Variants in SLC10A6 observed in about 807,000 individuals in gnomAD.
The protein encoded by SLC10A6 is sodium-dependent organic anion transporter.
A neutral mutation model predicts 30.0 loss-of-function variants in SLC10A6; 27 were observed. The ratio of observed to expected loss-of-function variants is 0.90; its 90% CI spans 0.66 to 1.24. The LOEUF (loss-of-function observed/expected upper bound fraction) is 1.24, where lower values mean the gene tolerates loss of function less well. Among genes scored for constraint, SLC10A6 ranks in the 50% most tolerant of loss-of-function variants. The probability of loss-of-function intolerance (pLI) is 0.00; values close to 1 mark genes in which losing one functional copy is unlikely to be tolerated. For synonymous variants in SLC10A6, 166 were observed against 173.8 expected (o/e 0.95, Z 0.36); for missense variants, 439 against 457.0 (o/e 0.96, Z 0.36).
rs191416858 is a variant in SLC10A6 at position 86,848,434 on chromosome 4, G to T, written c.377+305C>A. 1.4e-4 allele frequency among the ~76,000 whole-genome samples: 21 copies of T among 152,312 alleles called. No homozygotes were observed. In the South Asian group the frequency reaches 1.4e-3, roughly 11 times the overall value. On this transcript the variant is annotated intron_variant, in intron 1 of 5. Coordinates refer to ENST00000273905, the MANE Select transcript of SLC10A6 (RefSeq NM_197965.3). Reference sequence around the variant, plus strand: ...GTCCTAGGAGTTGCTAAAGAGGCCAGTGTAGGTAAGAATGAGCTCAAGCTT... The same window carrying T: ...GTCCTAGGAGTTGCTAAAGAGGCCATTGTAGGTAAGAATGAGCTCAAGCTT...
At chr4:86,846,187 G>A (rs945391142) in intron 1 of SLC10A6, among the ~76,000 whole-genome samples, 6 of 152,106 alleles carry the variant, frequency 3.9e-5, no homozygotes, top group African/African-American at 1.2e-4. Context: ...GTTTCACACC[G>A]TACTTGATTT....
At chr4:86,843,845 T>A (rs1418470660) in intron 1 of SLC10A6, among the ~76,000 whole-genome samples, 2 of 152,052 alleles carry the variant, frequency 1.3e-5, no homozygotes, top group African/African-American at 4.8e-5. Context: ...CATTCAATCC[T>A]CTCAACAGCT....
chr4:86,828,136 C>T lies in SLC10A6; in HGVS notation c.618G>A (p.Leu206=). Residue 206 remains leucine, a synonymous_variant, in exon 4 of 6, where the codon CTG becomes CTA. Transcript: ENST00000273905. The part of the protein sequence containing the change: ...IGAVVGGVLL[L]VVAVAGVVLA... ...GGACCACACCAGCAACTGCGACCAC[C>T]AGAAGGAGGACCCCACCAACAACGG... 6.2e-7 allele frequency: 1 copy of T among 1,613,350 alleles called. No individual in the cohort carries two copies.
chr4:86,831,694 C>T (rs942147291), intron 3 of SLC10A6, 98 bp downstream of exon 3: 27 of 941,694 alleles, frequency 2.9e-5, no homozygotes, highest in South Asian at 2.1e-4. Flanking sequence ...GGTGTGGGGC[C>T]GTACTCAACA....
At chr4:86,831,577 A>G (rs1319195431) in intron 3 of SLC10A6, among the ~76,000 whole-genome samples, 3 of 152,238 alleles carry the variant, frequency 2.0e-5, no homozygotes, top group Non-Finnish European at 4.4e-5. Flanking sequence ...CCAGGGCGTC[A>G]TAAGCCTCAG....
chr4:86,835,761 G>GAGAGAAAGA (rs1553899072), intron 1 of SLC10A6, among the ~76,000 whole-genome samples: 1 of 151,234 alleles, frequency 6.6e-6, no homozygotes, highest in African/African-American at 2.4e-5. Flanking sequence ...GAGAGAGAGA[G>GAGAGAAAGA]AAAGAAAAGA....
chr4:86,840,699 G>A (rs1215062104), intron 1 of SLC10A6, among the ~76,000 whole-genome samples: 1 of 151,964 alleles, frequency 6.6e-6, no homozygotes, highest in Non-Finnish European at 1.5e-5. Context: ...TTTATTAAAT[G>A]CCCAAGTGTA....
chr4:86,848,739 C>A lies in SLC10A6; in HGVS notation c.377G>T (p.Ser126Ile). The A allele has an allele frequency of 6.3e-7, 1 of 1,577,534 alleles. No individual in the cohort carries two copies. Among genetic ancestry groups the A allele is most frequent in the Non-Finnish European group, 8.6e-7 (1 of 1,162,450 alleles). The change falls in exon 1 of 6, where the codon AGC (serine) becomes ATC (isoleucine). Residue 126 changes from serine to isoleucine, a missense_variant and splice_region_variant. Coordinates refer to ENST00000273905, the MANE Select transcript of SLC10A6 (RefSeq NM_197965.3). ...TFWVDGDMDLSISMTTCSTVA... is the reference protein window; with the variant it reads ...TFWVDGDMDLIISMTTCSTVA... The stretch of plus-strand genomic sequence containing the variant: ...GCTGAGCTTCCCTGGGGTTACTTAC[C>A]TGAGATCCATATCTCCATCAACCCA...
Position 86,843,403 on chromosome 4 carries a change from G to T in SLC10A6, c.377+5336C>A, listed in dbSNP as rs372927195. 3.3e-5 allele frequency among the ~76,000 whole-genome samples: 5 copies of T among 152,198 alleles called. No individual in the cohort carries two copies. The East Asian group carries it at 9.7e-4, about 29-fold the overall frequency. Reference sequence around the variant, plus strand: ...GAAGAGTTACATAATTCGGATTATGGGGACAGACAAGAGAAACATTTCTGG... The same window carrying T: ...GAAGAGTTACATAATTCGGATTATGTGGACAGACAAGAGAAACATTTCTGG... On this transcript the variant is annotated intron_variant, in intron 1 of 5. Transcript: ENST00000273905.
chr4:86,831,779 T>A lies in SLC10A6; in HGVS notation c.585+13A>T. The A allele has an allele frequency of 6.2e-7, 1 of 1,607,932 alleles. No homozygotes were observed. The highest frequency in any genetic ancestry group is 1.1e-5 in the South Asian group (1 of 90,282). On this transcript the variant is annotated intron_variant, in intron 3 of 5. Transcript: ENST00000273905. ...TCTGAGGACGTGCCAACAGTGGCCA[T>A]GAAGTCACTCACCTTGAGAATGATT...
chr4:86,833,330 G>A lies in SLC10A6; in HGVS notation c.472C>T (p.Leu158Phe). 1 of 1,613,918 alleles carries A rather than the reference G, an allele frequency of 6.2e-7. No homozygotes were observed. The highest frequency in any genetic ancestry group is 8.5e-7 in the Non-Finnish European group (1 of 1,179,830). Reference sequence around the variant, plus strand: ...CCTATGTTCTGATAAGGAATGGTGAGATTCTGCTGAAGACTCCAGGACCAG... The same window carrying A: ...CCTATGTTCTGATAAGGAATGGTGAAATTCTGCTGAAGACTCCAGGACCAG... The part of the protein sequence containing the change: ...YTWSWSLQQN[L>F]TIPYQNIGIT... Residue 158 changes from leucine (L) to phenylalanine (F), a missense_variant, in exon 2 of 6, where the codon CTC (leucine) becomes TTC (phenylalanine). Transcript: ENST00000273905.
intron 1 of SLC10A6, among the ~76,000 whole-genome samples, chr4:86,843,698 G>A (rs1033192094): frequency 5.9e-5 from 9 of 152,122 alleles, no homozygotes; most frequent in African/African-American, 1.7e-4. Context: ...TTAGGGTTAG[G>A]CATGCAGCTC....
chr4:86,842,042 G>T (rs770693616), intron 1 of SLC10A6, among the ~76,000 whole-genome samples: 46 of 152,074 alleles, frequency 3.0e-4, no homozygotes, highest in Admixed American at 3.3e-4. Context: ...ATAACTCTAT[G>T]TGTGAGTATT....
intron 1 of SLC10A6, among the ~76,000 whole-genome samples, chr4:86,835,891 T>A (rs1035562568): frequency 8.5e-5 from 13 of 152,110 alleles, no homozygotes; most frequent in Non-Finnish European, 1.2e-4. Context: ...TCACTTAGCA[T>A]CAGTTAGAGG....
At chr4:86,828,834 T>G (rs551887236) in intron 3 of SLC10A6, among the ~76,000 whole-genome samples, 1 of 152,134 alleles carries the variant, frequency 6.6e-6, no homozygotes, top group African/African-American at 2.4e-5. Context: ...GTTTGAGATT[T>G]AGATAAAATA....
rs368154278 is a variant in SLC10A6 at position 86,828,130 on chromosome 4, G to A, written c.624C>T (p.Val208=). The change falls in exon 4 of 6, where the codon GTC becomes GTT. Residue 208 remains valine, a synonymous_variant. Transcript: ENST00000273905. The part of the protein sequence containing the change: ...AVVGGVLLLV[V]AVAGVVLAKG... ...TCGCCAGGACCACACCAGCAACTGC[G>A]ACCACCAGAAGGAGGACCCCACCAA... is the stretch of plus-strand genomic sequence containing the variant. 19 of 1,613,400 alleles carry A rather than the reference G, an allele frequency of 1.2e-5. No homozygotes were observed. The highest frequency in any genetic ancestry group is 4.5e-5 in the East Asian group (2 of 44,858).
At chr4:86,842,817 TC>T (rs1431310086) in intron 1 of SLC10A6, among the ~76,000 whole-genome samples, 20,439 of 56,700 alleles carry the variant, frequency 0.36, 4,221 homozygotes, top group African/African-American at 0.59. Flanking sequence ...TTTCTTTCTT[TC>T]TTTCTTTCTT....
At chr4:86,837,731 T>C in intron 1 of SLC10A6, 1 of 539,136 alleles carries the variant, frequency 1.9e-6, no homozygotes, top group Non-Finnish European at 2.4e-6. Context: ...GGAAAGAAGA[T>C]ACCCATCAGA....
intron 3 of SLC10A6, 23 bp downstream of exon 3, chr4:86,831,769 A>G (rs756023411): frequency 5.6e-6 from 9 of 1,596,634 alleles, no homozygotes; most frequent in Non-Finnish European, 7.7e-6. Flanking sequence ...GGACGTGCCA[A>G]CAGTGGCCAT....
Sources: gnomAD v4.1 joint callset for allele counts (sites outside exome capture counted in the v4.1 genomes callset) on GRCh38, gnomAD v4.1.1 for gene constraint, MANE v1.5 for transcripts, NCBI Gene and HGNC (gene_info 2026-07-23, HGNC 2026-07-21) for gene names.